The following EHMT1 variants were observed in gnomAD, a reference collection of about 807,000 sequenced individuals.
EHMT1 encodes the protein histone-lysine N-methyltransferase EHMT1.
In EHMT1, 15 loss-of-function variants were observed where a neutral mutation model predicts 147.2. The ratio of observed to expected loss-of-function variants is 0.10; its 90% CI spans 0.07 to 0.16. The LOEUF (loss-of-function observed/expected upper bound fraction) is 0.16. Ranked by LOEUF, EHMT1 falls within the 10% of genes least tolerant of loss-of-function variation. EHMT1 has a pLI of 1.00. For synonymous variants in EHMT1, 795 were observed against 709.6 expected (o/e 1.12, Z -1.91); for missense variants, 1,587 against 1,772.4 (o/e 0.90, Z 1.88).
chr9:137,627,113 C>T (rs994560856), intron 1 of EHMT1, among the ~76,000 whole-genome samples: 1 of 152,258 alleles, frequency 6.6e-6, no homozygotes, highest in Middle Eastern at 3.4e-3. Context: ...CGTGCGCCAC[C>T]ACGCTCGGCT....
At position 137,732,626 on chromosome 9, in the gene EHMT1, G is replaced by C. The variant is rs1037497944; in HGVS notation, c.823+4097G>C. On this transcript the variant is annotated intron_variant, in intron 4 of 26. Coordinates refer to ENST00000460843, the MANE Select transcript of EHMT1 (RefSeq NM_024757.5). This position sits in a 1 kb window ranked among gnomAD's most constrained non-coding sequence, Gnocchi z 4.6. The stretch of plus-strand genomic sequence containing the variant: ...AAAACACCATTTGATTGGCTAAAAG[G>C]CATCAAGGAAGTTCTCACTCCAGGT... Among the ~76,000 whole-genome samples, 1 of 152,160 alleles carries C rather than the reference G, an allele frequency of 6.6e-6. No individual in the cohort carries two copies. The highest frequency in any genetic ancestry group is 1.5e-5 in the Non-Finnish European group (1 of 68,020).
intron 1 of EHMT1, among the ~76,000 whole-genome samples, chr9:137,697,819 C>T (rs1219344236): frequency 2.6e-5 from 4 of 152,182 alleles, no homozygotes; most frequent in Admixed American, 6.5e-5. Context: ...ATTTTCTCCC[C>T]GTTAAGTTTT....
At chr9:137,637,800 G>T (rs1285938982) in intron 1 of EHMT1, among the ~76,000 whole-genome samples, 1 of 152,182 alleles carries the variant, frequency 6.6e-6, no homozygotes, top group Non-Finnish European at 1.5e-5. Context: ...AAGCCATCTG[G>T]ATCTTGGCTT....
At chr9:137,808,947 T>C (rs1954180140) in intron 18 of EHMT1, among the ~76,000 whole-genome samples, 1 of 151,952 alleles carries the variant, frequency 6.6e-6, no homozygotes, top group Non-Finnish European at 1.5e-5. Context: ...AAAATGTAAT[T>C]CTGGTTATAA....
chr9:137,828,025 A>G lies in EHMT1; in HGVS notation c.3541-6324A>G, dbSNP rs1390329928. Among the ~76,000 whole-genome samples the G allele has an allele frequency of 6.6e-6, 1 of 152,174 alleles. No homozygotes were observed. Among genetic ancestry groups the G allele is most frequent in the African/African-American group, 2.4e-5 (1 of 41,446 alleles). The stretch of plus-strand genomic sequence containing the variant: ...GAAGGGGCTCCTTGTGCCAGCCGAC[A>G]GGGTGCGACGGGGTGGTCGGCCCGG... On this transcript the variant is annotated intron_variant, in intron 25 of 26. Coordinates refer to ENST00000460843, the MANE Select transcript of EHMT1 (RefSeq NM_024757.5). This position sits in a 1 kb window ranked among gnomAD's most constrained non-coding sequence, Gnocchi z 5.3.
intron 25 of EHMT1, among the ~76,000 whole-genome samples, chr9:137,830,282 C>T (rs1368605163): frequency 6.6e-6 from 1 of 152,182 alleles, no homozygotes; most frequent in African/African-American, 2.4e-5. Flanking sequence ...TTGCCCCACA[C>T]TTGGAATCAG....
chr9:137,793,611 G>A (rs1346188077), intron 16 of EHMT1, among the ~76,000 whole-genome samples: 1 of 152,238 alleles, frequency 6.6e-6, no homozygotes, highest in Non-Finnish European at 1.5e-5. Flanking sequence ...CTGCAGCATT[G>A]TTCACAGTAG....
chr9:137,701,625 A>AT (rs139537570), intron 1 of EHMT1, among the ~76,000 whole-genome samples: 2,487 of 115,616 alleles, frequency 0.022, 146 homozygotes, highest in African/African-American at 0.068. Context: ...TGCCTGGCTA[A>AT]TTTTTTTTTT....
At chr9:137,725,430 G>A (rs1946531100) in intron 3 of EHMT1, among the ~76,000 whole-genome samples, 1 of 152,158 alleles carries the variant, frequency 6.6e-6, no homozygotes, top group Non-Finnish European at 1.5e-5. Context: ...TCATCCCTCG[G>A]GGAAAAAGTA....
intron 1 of EHMT1, among the ~76,000 whole-genome samples, chr9:137,627,355 C>T (rs1334545108): frequency 1.3e-5 from 2 of 150,842 alleles, no homozygotes; most frequent in East Asian, 2.0e-4. Context: ...CTCCACCTCC[C>T]GGGTTCAAAC....
At chr9:137,690,479 C>T (rs956868215) in intron 1 of EHMT1, among the ~76,000 whole-genome samples, 2 of 148,856 alleles carry the variant, frequency 1.3e-5, no homozygotes, top group East Asian at 3.9e-4. Flanking sequence ...ACTGCACTCC[C>T]GCCTGGGTGG....
chr9:137,719,263 A>G (rs1945687659), intron 3 of EHMT1, among the ~76,000 whole-genome samples: 1 of 151,830 alleles, frequency 6.6e-6, no homozygotes, highest in Non-Finnish European at 1.5e-5. Context: ...TGTTTCTGTC[A>G]TAGTGTCTCA....
At chr9:137,833,189 G>T (rs1262563894) in intron 25 of EHMT1, among the ~76,000 whole-genome samples, 1 of 152,172 alleles carries the variant, frequency 6.6e-6, no homozygotes, top group African/African-American at 2.4e-5. Flanking sequence ...GTTCATGCTG[G>T]GGCAGGTTGT....
chr9:137,716,994 G>A lies in EHMT1; in HGVS notation c.454G>A (p.Ala152Thr), dbSNP rs370834767. The A allele has an allele frequency of 2.1e-5, 33 of 1,607,968 alleles. No individual in the cohort carries two copies. The highest frequency in any genetic ancestry group is 2.7e-5 in the Non-Finnish European group (32 of 1,176,244). The change falls in exon 3 of 27, where the codon GCA becomes ACA. Residue 152 changes from alanine (A) to threonine (T), a missense_variant. Coordinates refer to ENST00000460843, the MANE Select transcript of EHMT1 (RefSeq NM_024757.5). ...TLASSLPGHA[A>T]KTLPGGAGKG... The stretch of plus-strand genomic sequence containing the variant: ...GGCCTCTTCGCTGCCTGGCCATGCT[G>A]CAAAAACCCTTCCTGGAGGGGCTGG...
At chr9:137,696,187 G>A (rs2135036141) in intron 1 of EHMT1, among the ~76,000 whole-genome samples, 1 of 152,296 alleles carries the variant, frequency 6.6e-6, no homozygotes, top group South Asian at 2.1e-4. Flanking sequence ...GATATTGAAA[G>A]GATTCATTCT....
intron 1 of EHMT1, among the ~76,000 whole-genome samples, chr9:137,648,990 A>C (rs1324706396): frequency 6.6e-6 from 1 of 152,178 alleles, no homozygotes; most frequent in East Asian, 1.9e-4. Flanking sequence ...TTGCCACCCA[A>C]AAAGCCAGAG....
At chr9:137,728,608 T>A (rs897047289) in intron 4 of EHMT1, 79 bp downstream of exon 4, 12 of 1,582,096 alleles carry the variant, frequency 7.6e-6, no homozygotes, top group Non-Finnish European at 1.0e-5. Context: ...GAGTTCTGTT[T>A]GGCTGTAAGT....
In EHMT1 at chr9:137,834,423, C is replaced by G; in HGVS notation, c.3615C>G (p.Pro1205=). The G allele has an allele frequency of 6.2e-7, 1 of 1,613,342 alleles. No individual in the cohort carries two copies. The highest frequency in any genetic ancestry group is 8.5e-7 in the Non-Finnish European group (1 of 1,179,812). The stretch of plus-strand genomic sequence containing the variant: ...GGTTCATCAACCACCACTGCGAGCC[C>G]AACCTGGTGCCCGTGCGCGTGTTCA... ...VSRFINHHCE[P]NLVPVRVFMA... Residue 1205 remains proline, a synonymous_variant, in exon 26 of 27, where the codon CCC becomes CCG. Coordinates refer to ENST00000460843, the MANE Select transcript of EHMT1 (RefSeq NM_024757.5).
intron 1 of EHMT1, 94 bp downstream of exon 1, chr9:137,619,143 G>A (rs1190143055): frequency 6.3e-6 from 2 of 317,576 alleles, no homozygotes; most frequent in Non-Finnish European, 8.9e-6. Flanking sequence ...GGCGGCAGGC[G>A]GCCGGCGGGC....
Sources: gnomAD v4.1 joint callset for allele counts (sites outside exome capture counted in the v4.1 genomes callset) on GRCh38, gnomAD v4.1.1 for gene constraint, Gnocchi (gnomAD v3.1) non-coding constraint, MANE v1.5 for transcripts, NCBI Gene and HGNC (gene_info 2026-07-23, HGNC 2026-07-21) for gene names.